The following RIMS2 variants were observed in gnomAD, a reference collection of about 807,000 sequenced individuals.
RIMS2 encodes the protein regulating synaptic membrane exocytosis 2, also known as regulating synaptic membrane exocytosis protein 2.
In RIMS2, 59 loss-of-function variants were observed where a neutral mutation model predicts 174.4. That is an observed-to-expected ratio of 0.34 (90% CI 0.27 to 0.42). RIMS2 has a LOEUF of 0.42. Ranked by LOEUF, RIMS2 falls within the 10% of genes least tolerant of loss-of-function variation. The pLI is 1.00. For synonymous variants in RIMS2, 606 were observed against 572.5 expected, an observed-to-expected ratio of 1.06 and a Z score of -0.84; for missense variants, 1,620 against 1,666.3, an observed-to-expected ratio of 0.97 and a Z score of 0.48.
chr8:103,540,345 C>T (rs952177451), intron 1 of RIMS2, among the ~76,000 whole-genome samples: 1 of 152,192 alleles, frequency 6.6e-6, no homozygotes, highest in Admixed American at 6.5e-5. Context: ...CAGTCCTTGC[C>T]ACCATTGTGG....
intron 19 of RIMS2, among the ~76,000 whole-genome samples, chr8:104,096,927 A>G (rs2097773299): frequency 6.6e-6 from 1 of 152,034 alleles, no homozygotes; most frequent in Non-Finnish European, 1.5e-5. Flanking sequence ...CTCATTAATC[A>G]TTTCAACATA....
At chr8:103,844,955 A>G (rs1334639426) in intron 3 of RIMS2, among the ~76,000 whole-genome samples, 1 of 152,070 alleles carries the variant, frequency 6.6e-6, no homozygotes, top group Non-Finnish European at 1.5e-5. Context: ...ATACTTCAGC[A>G]TTTCAGCATT....
chr8:104,064,785 A>G (rs11786807), intron 19 of RIMS2, among the ~76,000 whole-genome samples: 65,136 of 151,830 alleles, frequency 0.43, 14,505 homozygotes, highest in African/African-American at 0.52. Context: ...TGTAAAAACT[A>G]TCATTGTAAA....
At chr8:103,683,709 A>C (rs1008883929) in intron 1 of RIMS2, among the ~76,000 whole-genome samples, 8 of 152,178 alleles carry the variant, frequency 5.3e-5, no homozygotes, top group African/African-American at 1.9e-4. Flanking sequence ...ACAGTATGGC[A>C]CAAAGGTACA....
At chr8:103,548,478 T>C (rs893019834) in intron 1 of RIMS2, among the ~76,000 whole-genome samples, 1 of 152,120 alleles carries the variant, frequency 6.6e-6, no homozygotes, top group Non-Finnish European at 1.5e-5. Flanking sequence ...TCCTTTCATG[T>C]TAAAAACTTG....
At chr8:104,044,213 G>A (rs892631945) in intron 19 of RIMS2, among the ~76,000 whole-genome samples, 2 of 151,620 alleles carry the variant, frequency 1.3e-5, no homozygotes, top group African/African-American at 4.8e-5. Flanking sequence ...CAGTAGAAAA[G>A]ATTAGGAGGT....
intron 19 of RIMS2, among the ~76,000 whole-genome samples, chr8:104,166,502 A>C (rs142059190): frequency 6.6e-6 from 1 of 152,116 alleles, no homozygotes; most frequent in Non-Finnish European, 1.5e-5. Flanking sequence ...AACATTTAGT[A>C]TGCAGCAGAG....
intron 19 of RIMS2, among the ~76,000 whole-genome samples, chr8:104,079,630 T>C (rs2097371386): frequency 8.7e-6 from 1 of 114,762 alleles, no homozygotes; most frequent in African/African-American, 3.4e-5. Context: ...TATATATATA[T>C]ATATATATAT....
intron 4 of RIMS2, chr8:103,909,984 C>A: frequency 2.5e-6 from 1 of 398,772 alleles, no homozygotes. Flanking sequence ...ATATATATAG[C>A]ACTCACTATA....
intron 19 of RIMS2, among the ~76,000 whole-genome samples, chr8:104,196,157 C>G (rs992332547): frequency 6.6e-6 from 1 of 151,958 alleles, no homozygotes; most frequent in African/African-American, 2.4e-5. Context: ...GACCAATACT[C>G]CAAAAAACAC....
chr8:103,619,773 T>G (rs2095592840), intron 1 of RIMS2, among the ~76,000 whole-genome samples: 1 of 152,066 alleles, frequency 6.6e-6, no homozygotes, highest in Non-Finnish European at 1.5e-5. Flanking sequence ...CTACTACTGC[T>G]TGCACACAGG....
intron 19 of RIMS2, among the ~76,000 whole-genome samples, chr8:104,071,653 G>A (rs1012674773): frequency 4.6e-5 from 7 of 152,186 alleles, no homozygotes; most frequent in Middle Eastern, 3.4e-3. Flanking sequence ...AGCCAGGATG[G>A]TCTCAATCTA....
chr8:104,087,028 T>G (rs2097548189), intron 19 of RIMS2, among the ~76,000 whole-genome samples: 1 of 152,138 alleles, frequency 6.6e-6, no homozygotes, highest in Admixed American at 6.6e-5. Context: ...TGGAATTTTT[T>G]TTCCTCAGAA....
chr8:103,502,703 A>G (rs915498827), intron 1 of RIMS2, among the ~76,000 whole-genome samples: 1 of 152,094 alleles, frequency 6.6e-6, no homozygotes, highest in Non-Finnish European at 1.5e-5. Flanking sequence ...AAATATGTGA[A>G]CTTAATGCCT....
At chr8:104,129,673 T>G (rs1319909790) in intron 19 of RIMS2, among the ~76,000 whole-genome samples, 1 of 152,226 alleles carries the variant, frequency 6.6e-6, no homozygotes, top group African/African-American at 2.4e-5. Context: ...TGTGGATTTC[T>G]TCATTTCTTA....
At chr8:103,749,486 A>T (rs1371885313) in intron 2 of RIMS2, among the ~76,000 whole-genome samples, 2 of 151,910 alleles carry the variant, frequency 1.3e-5, no homozygotes, top group African/African-American at 2.4e-5. Context: ...AATATTTTTA[A>T]TTTTTTTGGT....
At chr8:103,620,150 A>C (rs936776216) in intron 1 of RIMS2, among the ~76,000 whole-genome samples, 9 of 152,162 alleles carry the variant, frequency 5.9e-5, no homozygotes, top group Non-Finnish European at 1.3e-4. Flanking sequence ...ATGAATGCTG[A>C]AATAATTTCC....
chr8:103,548,318 A>T (rs374132849), intron 1 of RIMS2, among the ~76,000 whole-genome samples: 6 of 152,210 alleles, frequency 3.9e-5, no homozygotes, highest in Admixed American at 2.0e-4. Flanking sequence ...ATGTGCCACG[A>T]TCAACTAGGC....
rs527310122 is a variant in RIMS2 at position 103,647,447 on chromosome 8, T to A, written c.177-49639T>A. ...TATGATGTTGACCTCATAGAATGAG[T>A]TAGAGGGGAGACCCTCCTTTTTAAT... On this transcript the variant is annotated intron_variant, in intron 1 of 23. Coordinates refer to ENST00000504942, the Ensembl canonical transcript of RIMS2. 5.3e-5 allele frequency among the ~76,000 whole-genome samples: 8 copies of A among 152,198 alleles called. No homozygotes were observed. The South Asian group carries it at 1.7e-3, about 32-fold the overall frequency.
Sources: gnomAD v4.1 joint callset for allele counts (sites outside exome capture counted in the v4.1 genomes callset) on GRCh38, gnomAD v4.1.1 for gene constraint, MANE v1.5 for transcripts, NCBI Gene and HGNC (gene_info 2026-07-23, HGNC 2026-07-21) for gene names.